Variants in GRK1 observed in about 807,000 individuals in gnomAD.
GRK1 encodes G protein-coupled receptor kinase 1.
A neutral mutation model predicts 41.7 loss-of-function variants in GRK1; 28 were observed. That is an observed-to-expected ratio of 0.67 (90% CI 0.50 to 0.92). The LOEUF is 0.92. Among genes scored for constraint, GRK1 ranks in the 40% least tolerant of loss-of-function variants. GRK1 has a pLI of 0.00. For missense variants in GRK1, 703 were observed against 671.2 expected (o/e 1.05, Z -0.52); for synonymous variants, 327 against 286.7 (o/e 1.14, Z -1.42).
At chr13:113,661,076 A>G in the GRK1 span, among the ~76,000 whole-genome samples, 1 of 152,254 alleles carries the variant, frequency 6.6e-6, no homozygotes, top group Non-Finnish European at 1.5e-5. Flanking sequence ...CATGAAATAT[A>G]TATCAAGATA....
chr13:113,652,788 C>A, the GRK1 span: 1 of 1,491,358 alleles, frequency 6.7e-7, no homozygotes. Flanking sequence ...CCAGACAGGA[C>A]ACCTGTGCTC....
chr13:113,733,621 GCATA>G (rs1015380369), intron 6 of GRK1, among the ~76,000 whole-genome samples: 1 of 150,416 alleles, frequency 6.6e-6, no homozygotes, highest in African/African-American at 2.5e-5. Context: ...GTATGTGTGT[GCATA>G]CGTGTGTGCT....
chr13:113,666,064 C>T (rs536278955), upstream of GRK1, among the ~76,000 whole-genome samples: 210 of 133,514 alleles, frequency 1.6e-3, no homozygotes, highest in Admixed American at 3.4e-3. Flanking sequence ...TGCCTCAGCT[C>T]TCCCAGGTGT....
chr13:113,733,916 G>GCATA (rs1491089063), intron 6 of GRK1, among the ~76,000 whole-genome samples: 288 of 107,056 alleles, frequency 2.7e-3, no homozygotes, highest in Non-Finnish European at 4.2e-3. Flanking sequence ...CATACAGTGT[G>GCATA]CGTGTGTGCA....
At chr13:113,668,601 G>T (rs1329719766) in intron 1 of GRK1, among the ~76,000 whole-genome samples, 1 of 152,260 alleles carries the variant, frequency 6.6e-6, no homozygotes, top group African/African-American at 2.4e-5. Context: ...CTGTCCTCGG[G>T]GGTGGGAGTG....
In GRK1 at chr13:113,667,262, G is replaced by C; in HGVS notation, c.-125G>C. The C allele has an allele frequency of 1.0e-6, 1 of 982,544 alleles. No homozygotes were observed. The highest frequency in any genetic ancestry group is 1.5e-6 in the Non-Finnish European group (1 of 685,018). The allele number at this position is 982,544 out of a possible 1,614,324, so 60.9% of individuals were successfully genotyped here. A position where few individuals can be genotyped will look rare whatever the true frequency, so the allele number is the denominator to read the frequency against. On this transcript the variant is annotated 5_prime_UTR_variant, in exon 1 of 7. Coordinates refer to ENST00000335678, the MANE Select transcript of GRK1 (RefSeq NM_002929.3). The surrounding 1 kb of genome is among the most constrained non-coding windows in gnomAD (Gnocchi z 7.5). ...TCGACAGGGCCAGGGCGTCTCTCTC[G>C]TCCAGCAAGGGCAGGGACGGGCCAC... is the stretch of plus-strand genomic sequence containing the variant.
At chr13:113,732,039 G>A (rs1470010567) in intron 5 of GRK1, among the ~76,000 whole-genome samples, 1 of 152,176 alleles carries the variant, frequency 6.6e-6, no homozygotes, top group Non-Finnish European at 1.5e-5. Flanking sequence ...ACATTGGGAG[G>A]TGCCAGTCCC....
At position 113,736,633 on chromosome 13, in the gene GRK1, A is replaced by G. The variant is rs2140742273; in HGVS notation, c.*1270A>G. On this transcript the variant is annotated 3_prime_UTR_variant, in exon 7 of 7. Coordinates refer to ENST00000335678, the MANE Select transcript of GRK1 (RefSeq NM_002929.3). ...GAGTGCATCCAAGCCGCAGGGAAGC[A>G]GTGGTGATGGGCGGCCTGAGGACTC... 6.6e-6 allele frequency: 1 copy of G among 152,360 alleles called. No homozygotes were observed. The highest frequency in any genetic ancestry group is 6.5e-5 in the Admixed American group (1 of 15,310). 9.4% of individuals were successfully genotyped at this position (152,360 alleles called of 1,614,324 possible).
At chr13:113,648,666 TTTTAAACCA>T in the GRK1 span, 1 of 152,168 alleles carries the variant, frequency 6.6e-6, no homozygotes, top group Non-Finnish European at 1.5e-5. Context: ...ACTAACTGGG[TTTTAAACCA>T]TCAGGCTGCC....
intron 6 of GRK1, among the ~76,000 whole-genome samples, chr13:113,733,833 ACGTGC>A (rs2049969887): frequency 2.1e-5 from 2 of 96,528 alleles, no homozygotes; most frequent in African/African-American, 4.9e-5. Context: ...GTGTGTGTGC[ACGTGC>A]GTGTGCATGT....
At chr13:113,727,905 TGAGGAGTACCCATG>T (rs1380091106) in intron 4 of GRK1, among the ~76,000 whole-genome samples, 11 of 83,530 alleles carry the variant, frequency 1.3e-4, no homozygotes, top group African/African-American at 4.6e-4. Flanking sequence ...CCCATGGCAA[TGAGGAGTACCCATG>T]GCGATGAGGA....
intron 4 of GRK1, among the ~76,000 whole-genome samples, chr13:113,724,676 A>G (rs2049879143): frequency 6.6e-6 from 1 of 152,172 alleles, no homozygotes; most frequent in South Asian, 2.1e-4. Flanking sequence ...GCTCAGGGCC[A>G]GTGGTCGAAG....
intron 6 of GRK1, among the ~76,000 whole-genome samples, chr13:113,733,989 CATACAT>C (rs1262289133): frequency 3.5e-5 from 4 of 114,462 alleles, no homozygotes; most frequent in Non-Finnish European, 3.8e-5. Context: ...CATGTGTGTG[CATACAT>C]GTGTGTGCGT....
chr13:113,669,447 G>A (rs947114767), intron 1 of GRK1, among the ~76,000 whole-genome samples: 2 of 152,208 alleles, frequency 1.3e-5, no homozygotes, highest in Non-Finnish European at 2.9e-5. Context: ...CCAGAGGCTG[G>A]CCCAGAAGAC....
chr13:113,668,715 G>A (rs2049836548), intron 1 of GRK1, among the ~76,000 whole-genome samples: 1 of 152,252 alleles, frequency 6.6e-6, no homozygotes, highest in Non-Finnish European at 1.5e-5. Context: ...AGGTCTTAAG[G>A]GTGAGGGGCA....
chr13:113,657,333 C>T, the GRK1 span, among the ~76,000 whole-genome samples: 3 of 152,244 alleles, frequency 2.0e-5, no homozygotes, highest in African/African-American at 4.8e-5. Context: ...GGTGGGGGCG[C>T]ACAGGTGCTT....
rs1028391421 is a variant in GRK1 at position 113,669,831 on chromosome 13, A to G, written c.827+17A>G. On this transcript the variant is annotated intron_variant, in intron 2 of 6. Coordinates refer to ENST00000335678, the MANE Select transcript of GRK1 (RefSeq NM_002929.3). ...TGACATCAGGTAAGGGCTGGGCCAG[A>G]GGGCACGAGGGGGCCCCGCTGTCCC... 1.2e-5 allele frequency: 19 copies of G among 1,613,018 alleles called. No individual in the cohort carries two copies. In the Middle Eastern group the frequency reaches 5.0e-4, roughly 42 times the overall value.
At chr13:113,656,534 A>G in the GRK1 span, among the ~76,000 whole-genome samples, 2 of 152,132 alleles carry the variant, frequency 1.3e-5, no homozygotes, top group Non-Finnish European at 2.9e-5. Context: ...CACGGTGTTC[A>G]GGGCACGCTG....
At chr13:113,669,963 G>A (rs970024581) in intron 2 of GRK1, 149 bp downstream of exon 2, 202 of 978,718 alleles carry the variant, frequency 2.1e-4, no homozygotes, top group Non-Finnish European at 2.8e-4. Flanking sequence ...TCCCCTTCTC[G>A]CTGTTGGTTC....
Sources: gnomAD v4.1 joint callset for allele counts (sites outside exome capture counted in the v4.1 genomes callset) on GRCh38, gnomAD v4.1.1 for gene constraint, Gnocchi (gnomAD v3.1) non-coding constraint, MANE v1.5 for transcripts, NCBI Gene and HGNC (gene_info 2026-07-23, HGNC 2026-07-21) for gene names.